The following SLC25A44 variants were observed in gnomAD, a reference collection of about 807,000 sequenced individuals.
SLC25A44 encodes solute carrier family 25 member 44.
SLC25A44 carries 17 observed loss-of-function variants against 29.9 expected under a neutral mutation model. The observed-to-expected ratio is 0.57, with a 90% CI of 0.39 to 0.85. The LOEUF (loss-of-function observed/expected upper bound fraction) is 0.85. Ranked by LOEUF, SLC25A44 falls within the 40% of genes least tolerant of loss-of-function variation. The probability of loss-of-function intolerance (pLI) is 0.00; values close to 1 mark genes in which losing one functional copy is unlikely to be tolerated. For missense variants in SLC25A44, 302 were observed against 398.4 expected, an observed-to-expected ratio of 0.76 and a Z score of 2.06; for synonymous variants, 140 against 151.8, an observed-to-expected ratio of 0.92 and a Z score of 0.57.
At chr1:156,207,178 A>ATT (rs566114688) in intron 2 of SLC25A44, among the ~76,000 whole-genome samples, 14 of 136,076 alleles carry the variant, frequency 1.0e-4, no homozygotes, top group African/African-American at 2.7e-4. Flanking sequence ...TATACAAAAC[A>ATT]TTTTTTTTTT....
At chr1:156,209,251 A>G (rs919937262) in intron 3 of SLC25A44, among the ~76,000 whole-genome samples, 1 of 152,178 alleles carries the variant, frequency 6.6e-6, no homozygotes, top group African/African-American at 2.4e-5. Flanking sequence ...AAGGGAAAGG[A>G]CAGGTCTCTA....
In SLC25A44 at chr1:156,210,617, C is replaced by A. The variant is rs889373077; in HGVS notation, c.*186C>A. The A allele has an allele frequency of 9.8e-6, 4 of 408,890 alleles. No individual in the cohort carries two copies. In the Admixed American group the frequency reaches 1.8e-4, roughly 18 times the overall value. The allele number at this position is 408,890 out of a possible 1,614,324, so 25.3% of individuals were successfully genotyped here. Reference sequence around the variant, plus strand: ...GCTGAAGAGGCTCCACGCCTGGATCCCTTGCCCCCACTATTTAAAATTCTC... The same window carrying A: ...GCTGAAGAGGCTCCACGCCTGGATCACTTGCCCCCACTATTTAAAATTCTC... On this transcript the variant is annotated 3_prime_UTR_variant, in exon 4 of 4. Transcript: ENST00000359511.
intron 2 of SLC25A44, among the ~76,000 whole-genome samples, chr1:156,202,978 T>C (rs1656682841): frequency 6.6e-6 from 1 of 152,242 alleles, no homozygotes. Context: ...TTTGAATTAA[T>C]AGACTGGTTC....
At chr1:156,205,235 G>GTT (rs1416026188) in intron 2 of SLC25A44, among the ~76,000 whole-genome samples, 1 of 152,060 alleles carries the variant, frequency 6.6e-6, no homozygotes, top group African/African-American at 2.4e-5. Flanking sequence ...TAGAGACGGG[G>GTT]TTTTTCCATG....
chr1:156,206,964 G>A (rs899897534), intron 2 of SLC25A44, among the ~76,000 whole-genome samples: 11 of 152,196 alleles, frequency 7.2e-5, no homozygotes, highest in Non-Finnish European at 1.2e-4. Flanking sequence ...ACATCAGGAA[G>A]GATTTTCTGC....
chr1:156,200,437 G>A lies in SLC25A44; in HGVS notation c.590G>A (p.Ser197Asn), dbSNP rs1347697158. ...VASLLTYIPN[S>N]AVWWPFYHFY... ...TCACTGCTTACCTATATCCCAAACA[G>A]TGCTGTCTGGTGGCCCTTCTATCAC... Residue 197 changes from serine to asparagine, a missense_variant, in exon 2 of 4, where the codon AGT (serine) becomes AAT (asparagine). By Grantham distance (46) the Ser-to-Asn change is conservative. Coordinates refer to ENST00000359511, the MANE Select transcript of SLC25A44 (RefSeq NM_014655.4). 6.2e-7 allele frequency: 1 copy of A among 1,611,834 alleles called. No homozygotes were observed. Among genetic ancestry groups the A allele is most frequent in the Non-Finnish European group, 8.5e-7 (1 of 1,178,850 alleles).
At chr1:156,208,634 T>G (rs1368115874) in intron 3 of SLC25A44, among the ~76,000 whole-genome samples, 5 of 152,224 alleles carry the variant, frequency 3.3e-5, no homozygotes, top group Non-Finnish European at 5.9e-5. Context: ...CATAGCCTAT[T>G]AGCATAGCCT....
intron 2 of SLC25A44, among the ~76,000 whole-genome samples, chr1:156,206,238 AT>A (rs1194991541): frequency 0.22 from 29,351 of 135,598 alleles, 2,817 homozygotes; most frequent in Non-Finnish European, 0.26. Context: ...TTCATTTTTA[AT>A]TTTTTTTTTT....
At position 156,212,080 on chromosome 1, in the gene SLC25A44, AAG is replaced by A. The variant is rs1435289297; in HGVS notation, c.*1654_*1655del. On this transcript the variant is annotated 3_prime_UTR_variant, in exon 4 of 4. Coordinates refer to ENST00000359511, the MANE Select transcript of SLC25A44 (RefSeq NM_014655.4). The stretch of plus-strand genomic sequence containing the variant: ...TGTTTATCCCTTCCTGCACTTTGTC[AAG>A]AGAGTCCTCCAGTTTCTATCCAGGA... 1 of 152,790 alleles carries A rather than the reference AAG, an allele frequency of 6.5e-6. No homozygotes were observed. Among genetic ancestry groups the A allele is most frequent in the African/African-American group, 2.4e-5 (1 of 41,434 alleles). 9.5% of individuals were successfully genotyped at this position (152,790 alleles called of 1,614,324 possible).
At chr1:156,205,117 C>T (rs1656848589) in intron 2 of SLC25A44, among the ~76,000 whole-genome samples, 1 of 151,700 alleles carries the variant, frequency 6.6e-6, no homozygotes, top group Admixed American at 6.6e-5. Context: ...GATCTTGGCT[C>T]ACCGCAACCT....
intron 2 of SLC25A44, among the ~76,000 whole-genome samples, chr1:156,205,131 C>G (rs1052238363): frequency 6.6e-6 from 1 of 152,052 alleles, no homozygotes; most frequent in African/African-American, 2.4e-5. Flanking sequence ...GCAACCTCCA[C>G]CTCCCGGGTT....
At chr1:156,197,118 TCTTCTCA>T (rs1656258524) in intron 1 of SLC25A44, 4 of 152,196 alleles carry the variant, frequency 2.6e-5, no homozygotes, top group South Asian at 2.1e-4. Context: ...TTTCTCTGTA[TCTTCTCA>T]CTTCTCACTG....
intron 2 of SLC25A44, among the ~76,000 whole-genome samples, chr1:156,203,086 C>CT (rs749773086): frequency 1.1e-4 from 17 of 152,220 alleles, no homozygotes; most frequent in Non-Finnish European, 2.1e-4. Flanking sequence ...CTCTATTGCT[C>CT]TGACTCCTGT....
At chr1:156,204,372 A>G (rs1466714590) in intron 2 of SLC25A44, among the ~76,000 whole-genome samples, 1 of 152,200 alleles carries the variant, frequency 6.6e-6, no homozygotes, top group Non-Finnish European at 1.5e-5. Context: ...GCCCCAGGAA[A>G]GTGGCATATG....
At chr1:156,203,699 C>CTTTTT (rs56890643) in intron 2 of SLC25A44, among the ~76,000 whole-genome samples, 82 of 106,818 alleles carry the variant, frequency 7.7e-4, no homozygotes, top group African/African-American at 1.9e-3. Flanking sequence ...ATTCTCTTTC[C>CTTTTT]TTTTTTTTTT....
intron 1 of SLC25A44, among the ~76,000 whole-genome samples, chr1:156,195,372 G>A (rs1479069088): frequency 6.6e-6 from 1 of 151,862 alleles, no homozygotes; most frequent in African/African-American, 2.4e-5. Flanking sequence ...CAAAGTGTTG[G>A]GATTATAGGC....
intron 1 of SLC25A44, among the ~76,000 whole-genome samples, chr1:156,195,527 C>T (rs7532140): frequency 0.024 from 3,721 of 152,264 alleles, 134 homozygotes; most frequent in African/African-American, 0.083. Flanking sequence ...TTTCCGGTTG[C>T]GGCAGTACCG....
chr1:156,212,738 C>A lies in SLC25A44; in HGVS notation c.*2307C>A. ...CTTGTGAAAATTAACAGTGAATATT[C>A]ACTGTTGCACTGTACGAAGTCTCTG... On this transcript the variant is annotated 3_prime_UTR_variant, in exon 4 of 4. Transcript: ENST00000359511. 1 of 357,172 alleles carries A rather than the reference C, an allele frequency of 2.8e-6. No homozygotes were observed. Among genetic ancestry groups the A allele is most frequent in the Non-Finnish European group, 5.2e-6 (1 of 192,976 alleles). 22.1% of individuals were successfully genotyped at this position (357,172 alleles called of 1,614,324 possible).
At chr1:156,201,377 T>G (rs1339821878) in intron 2 of SLC25A44, among the ~76,000 whole-genome samples, 1 of 152,162 alleles carries the variant, frequency 6.6e-6, no homozygotes, top group Admixed American at 6.5e-5. Flanking sequence ...ACCCACAGCT[T>G]TGAGTAACCA....
Sources: gnomAD v4.1 joint callset for allele counts (sites outside exome capture counted in the v4.1 genomes callset) on GRCh38, gnomAD v4.1.1 for gene constraint, MANE v1.5 for transcripts, NCBI Gene and HGNC (gene_info 2026-07-23, HGNC 2026-07-21) for gene names.